Variants in STN1 observed in about 807,000 individuals in gnomAD.
STN1 encodes the protein CST complex subunit STN1.
Under a neutral mutation model 45.5 loss-of-function variants are expected in STN1, and 29 were observed. The ratio of observed to expected loss-of-function variants is 0.64; its 90% CI spans 0.47 to 0.87. The LOEUF (loss-of-function observed/expected upper bound fraction) is 0.87, where lower values mean the gene tolerates loss of function less well. Ranked by LOEUF, STN1 falls within the 40% of genes least tolerant of loss-of-function variation. The pLI, the probability that STN1 is intolerant of heterozygous loss-of-function variation, is 0.00. For synonymous variants in STN1, 148 were observed against 159.0 expected (o/e 0.93, Z 0.52); for missense variants, 376 against 441.4 (o/e 0.85, Z 1.33).
At chr10:103,883,534 T>C (rs573917825) in intron 9 of STN1, among the ~76,000 whole-genome samples, 1 of 152,292 alleles carries the variant, frequency 6.6e-6, no homozygotes, top group South Asian at 2.1e-4. Flanking sequence ...ATGCAAGTCC[T>C]TTTAATTATC....
At chr10:103,905,811 A>G (rs1843236849) in intron 3 of STN1, among the ~76,000 whole-genome samples, 2 of 152,196 alleles carry the variant, frequency 1.3e-5, no homozygotes, top group Admixed American at 1.3e-4. Context: ...AAACAGTACT[A>G]GTCTGGCTTA....
chr10:103,885,084 C>T (rs1843095001), intron 9 of STN1, among the ~76,000 whole-genome samples: 1 of 152,162 alleles, frequency 6.6e-6, no homozygotes, highest in African/African-American at 2.4e-5. Flanking sequence ...CAAAGTCACT[C>T]CCGGGAACAA....
At position 103,882,646 on chromosome 10, in the gene STN1, T is replaced by C. The variant is rs201577873; in HGVS notation, c.*38A>G. On this transcript the variant is annotated 3_prime_UTR_variant, in exon 10 of 10. Transcript: ENST00000224950. ...TCAGAGCCTGGGGGTGAATGCCACC[T>C]TATCTTTGTCCTCCTCAGCTGGTCT... The C allele has an allele frequency of 2.6e-5, 41 of 1,568,470 alleles. No homozygotes were observed. The highest frequency in any genetic ancestry group is 3.5e-5 in the Non-Finnish European group (40 of 1,153,136).
intron 4 of STN1, 74 bp downstream of exon 4, chr10:103,905,017 C>A: frequency 1.5e-6 from 2 of 1,293,436 alleles, no homozygotes; most frequent in East Asian, 2.3e-5. Context: ...AGCCCTATAG[C>A]TGTTTTGATG....
chr10:103,907,061 A>G (rs1188884132), intron 3 of STN1, among the ~76,000 whole-genome samples: 3 of 151,276 alleles, frequency 2.0e-5, no homozygotes, highest in Non-Finnish European at 4.4e-5. Flanking sequence ...GCAGTGTGCT[A>G]TGATTGTGCC....
chr10:103,905,186 G>C, intron 3 of STN1, 30 bp from the exon 4 acceptor site: 1 of 1,599,432 alleles, frequency 6.3e-7, no homozygotes, highest in East Asian at 2.2e-5. Context: ...GGGTATAAGA[G>C]AGATTTGGGC....
intron 2 of STN1, among the ~76,000 whole-genome samples, chr10:103,912,768 A>G (rs991729786): frequency 6.6e-6 from 1 of 152,210 alleles, no homozygotes; most frequent in Non-Finnish European, 1.5e-5. Flanking sequence ...CTATTTGTAC[A>G]CTGAGCAGAG....
intron 7 of STN1, among the ~76,000 whole-genome samples, chr10:103,893,314 G>A (rs1022407332): frequency 2.1e-4 from 32 of 152,032 alleles, no homozygotes; most frequent in African/African-American, 6.8e-4. Context: ...GACTACAGGC[G>A]CCTGCCACCA....
At chr10:103,909,531 C>T (rs367718373) in intron 3 of STN1, among the ~76,000 whole-genome samples, 886 of 66,748 alleles carry the variant, frequency 0.013, 104 homozygotes, top group South Asian at 0.054. Flanking sequence ...TATATATGTA[C>T]ATATATATGT....
intron 3 of STN1, among the ~76,000 whole-genome samples, chr10:103,909,460 G>A (rs11191858): frequency 1.0e-4 from 10 of 100,322 alleles, no homozygotes; most frequent in Non-Finnish European, 2.0e-4. Context: ...ATGTATATAT[G>A]TATATATATG....
rs746034891 is a variant in STN1, at chr10:103,880,693, T to C, written c.*1991A>G. Among the ~76,000 whole-genome samples the C allele has an allele frequency of 1.1e-4, 17 of 152,164 alleles. No homozygotes were observed. The highest frequency in any genetic ancestry group is 1.9e-4 in the Non-Finnish European group (13 of 68,030). On this transcript the variant is annotated 3_prime_UTR_variant, in exon 10 of 10. Coordinates refer to ENST00000224950, the MANE Select transcript of STN1 (RefSeq NM_024928.5). Reference sequence around the variant, plus strand: ...ACTGAGGTGTTAGACAGCATGTAGATGGTATAATCCATGTGGCTGCTGGAG... The same window carrying C: ...ACTGAGGTGTTAGACAGCATGTAGACGGTATAATCCATGTGGCTGCTGGAG...
chr10:103,907,526 A>G (rs1843249699), intron 3 of STN1, among the ~76,000 whole-genome samples: 1 of 152,238 alleles, frequency 6.6e-6, no homozygotes, highest in South Asian at 2.1e-4. Context: ...ATAAATATGC[A>G]TAATAGTACT....
chr10:103,909,488 GTGTGTGTGTATATGTATATA>G (rs1843272957), intron 3 of STN1, among the ~76,000 whole-genome samples: 1 of 33,220 alleles, frequency 3.0e-5, no homozygotes, highest in African/African-American at 7.3e-5. Context: ...GTATATATAT[GTGTGTGTGTATATGTATATA>G]TGTATATATG....
intron 3 of STN1, among the ~76,000 whole-genome samples, chr10:103,909,399 T>C (rs1843267841): frequency 1.5e-5 from 1 of 66,598 alleles, no homozygotes; most frequent in Admixed American, 1.9e-4. Flanking sequence ...TGTATATATG[T>C]ATATATATGT....
rs1564636086 is a variant in STN1 at position 103,914,353 on chromosome 10, TA to T, written c.133+3108del. Among the ~76,000 whole-genome samples the T allele has an allele frequency of 3.7e-3, 79 of 21,368 alleles. 3 individuals are homozygous for T. The highest frequency in any genetic ancestry group is 9.1e-3 in the South Asian group (3 of 330). The allele number at this position is 21,368 out of a possible 152,430, so 14.0% of individuals were successfully genotyped here. Reference sequence around the variant, plus strand: ...AAAAATACATATATATATATATATATATATATATATATATATATATATTTTT... The same window carrying T: ...AAAAATACATATATATATATATATATTATATATATATATATATATATTTTT... On this transcript the variant is annotated intron_variant, in intron 2 of 9. Coordinates refer to ENST00000224950, the MANE Select transcript of STN1 (RefSeq NM_024928.5).
At chr10:103,892,299 T>C (rs998602368) in intron 7 of STN1, 47 bp from the exon 8 acceptor site, 1 of 1,543,196 alleles carries the variant, frequency 6.5e-7, no homozygotes. Flanking sequence ...AGTCTCACCT[T>C]ACGGCACCTG....
At position 103,903,868 on chromosome 10, in the gene STN1, G is replaced by A. The variant is rs185140275; in HGVS notation, c.295+1223C>T. ...CTATGAGGTATCTGCCTAAAAACACGTTGTCTCCCTTAAATCTATCTACAA... is the reference window on the plus strand; with the variant it reads ...CTATGAGGTATCTGCCTAAAAACACATTGTCTCCCTTAAATCTATCTACAA... On this transcript the variant is annotated intron_variant, in intron 4 of 9. Coordinates refer to ENST00000224950, the MANE Select transcript of STN1 (RefSeq NM_024928.5). Among the ~76,000 whole-genome samples the A allele has an allele frequency of 3.5e-4, 53 of 152,212 alleles. 1 individual carries two copies. The highest frequency in any genetic ancestry group is 1.6e-3 in the Admixed American group (24 of 15,290).
Position 103,889,170 on chromosome 10 carries a change from G to C in STN1, c.877-26C>G, listed in dbSNP as rs547362907. 4.6e-6 allele frequency: 7 copies of C among 1,513,850 alleles called. No homozygotes were observed. In the East Asian group the frequency reaches 1.6e-4, roughly 34 times the overall value. 93.8% of individuals were successfully genotyped at this position (1,513,850 alleles called of 1,614,324 possible). On this transcript the variant is annotated intron_variant, in intron 8 of 9. Transcript: ENST00000224950. The stretch of plus-strand genomic sequence containing the variant: ...CTAAATAGGAAAAATAGTTGAGAGA[G>C]AGAGTGTTCTTAGGTAACACAGCAG...
At position 103,891,139 on chromosome 10, in the gene STN1, C is replaced by T. The variant is rs565485610; in HGVS notation, c.876+991G>A. 2.6e-5 allele frequency among the ~76,000 whole-genome samples: 4 copies of T among 152,326 alleles called. No individual in the cohort carries two copies. In the South Asian group the frequency reaches 6.2e-4, roughly 24 times the overall value. Reference sequence around the variant, plus strand: ...AGCAGCTCTTCTTTTAAGAGTCAATCTTACAGAAATACTGACATGAGTTCA... The same window carrying T: ...AGCAGCTCTTCTTTTAAGAGTCAATTTTACAGAAATACTGACATGAGTTCA... On this transcript the variant is annotated intron_variant, in intron 8 of 9. Coordinates refer to ENST00000224950, the MANE Select transcript of STN1 (RefSeq NM_024928.5).
Sources: allele counts gnomAD v4.1 joint callset (sites outside exome capture counted in the v4.1 genomes callset), GRCh38; gene constraint gnomAD v4.1.1; transcripts MANE v1.5; gene names NCBI Gene and HGNC (gene_info 2026-07-23, HGNC 2026-07-21).